RIF1: variants seen among roughly 807,000 people sequenced by gnomAD.
RIF1 encodes the protein replication timing regulatory factor 1.
Under a neutral mutation model 247.1 loss-of-function variants are expected in RIF1, and 45 were observed. The ratio of observed to expected loss-of-function variants is 0.18; its 90% confidence interval spans 0.14 to 0.23. The LOEUF (loss-of-function observed/expected upper bound fraction) is 0.23, where lower values mean the gene tolerates loss of function less well. Ranked by LOEUF, RIF1 falls within the 10% of genes least tolerant of loss-of-function variation. RIF1 has a pLI of 1.00. For synonymous variants in RIF1, 1,087 were observed against 978.8 expected, an observed-to-expected ratio of 1.11 and a Z score of -2.06; for missense variants, 2,967 against 2,862.5, an observed-to-expected ratio of 1.04 and a Z score of -0.83.
chr2:151,463,182 T>C lies in RIF1; in HGVS notation c.3662T>C (p.Phe1221Ser). 1 of 1,614,168 alleles carries C rather than the reference T, an allele frequency of 6.2e-7. No individual in the cohort carries two copies. Among genetic ancestry groups the C allele is most frequent in the East Asian group, 2.2e-5 (1 of 44,878 alleles). ...TACCCTACAAGTCGGAGGCAAACCT[T>C]TATTACTTTGGAGAAGTTTGATGGT... The part of the protein sequence containing the change: ...PPYPTSRRQT[F>S]ITLEKFDGSE... The change falls in exon 30 of 36, where the codon TTT becomes TCT. Residue 1221 changes from phenylalanine to serine, a missense_variant. Physicochemically the swap from Phe to Ser is radical, Grantham distance 155. Transcript: ENST00000444746.
intron 8 of RIF1, among the ~76,000 whole-genome samples, chr2:151,425,660 CTTT>C (rs34032157): frequency 4.8e-5 from 4 of 83,682 alleles, no homozygotes; most frequent in Non-Finnish European, 6.2e-5. Flanking sequence ...TTGTGGTACC[CTTT>C]TTTTTTTTTT....
At chr2:151,429,481 A>G (rs541917407) in intron 9 of RIF1, among the ~76,000 whole-genome samples, 6 of 152,114 alleles carry the variant, frequency 3.9e-5, no homozygotes, top group Non-Finnish European at 5.9e-5. Context: ...CCCCCAGCCT[A>G]TTATTTGTGG....
At chr2:151,518,625 A>G in the RIF1 span, among the ~76,000 whole-genome samples, 1 of 152,240 alleles carries the variant, frequency 6.6e-6, no homozygotes, top group Non-Finnish European at 1.5e-5. Flanking sequence ...CACTTAGGTT[A>G]TGTGGCTTGT....
chr2:151,441,143 C>A (rs1459741941), intron 15 of RIF1, among the ~76,000 whole-genome samples: 1 of 152,048 alleles, frequency 6.6e-6, no homozygotes, highest in Non-Finnish European at 1.5e-5. Flanking sequence ...ATCACTTGAG[C>A]CCATGAGGTT....
In RIF1 at chr2:151,478,052, G is replaced by A. The variant is rs936924182; in HGVS notation, c.*2981G>A. On this transcript the variant is annotated 3_prime_UTR_variant, in exon 36 of 36. Transcript: ENST00000444746. ...GAAATCTATTTTGGATTTTAGAGTG[G>A]ATTTAAATTTTCAATATTTCAGTGA... 6.6e-6 allele frequency: 1 copy of A among 152,164 alleles called. No individual in the cohort carries two copies. Among genetic ancestry groups the A allele is most frequent in the African/African-American group, 2.4e-5 (1 of 41,434 alleles). The allele number at this position is 152,164 out of a possible 1,614,324, so 9.4% of individuals were successfully genotyped here. A position where few individuals can be genotyped will look rare whatever the true frequency, so the allele number is the denominator to read the frequency against.
chr2:151,505,558 C>G, intron 12 of RIF1: 1 of 1,613,266 alleles, frequency 6.2e-7, no homozygotes. Context: ...CCTATTGCTT[C>G]CTTATACTTC....
At chr2:151,506,859 G>T in intron 13 of RIF1, 1 of 1,171,636 alleles carries the variant, frequency 8.5e-7, no homozygotes. Flanking sequence ...TTAAAGAGGA[G>T]AGTGAAATGA....
At chr2:151,450,818 A>G (rs1304721552) in intron 20 of RIF1, among the ~76,000 whole-genome samples, 2 of 152,160 alleles carry the variant, frequency 1.3e-5, no homozygotes, top group African/African-American at 4.8e-5. Context: ...TCCAGACCTC[A>G]GGTGATCCAC....
intron 34 of RIF1, among the ~76,000 whole-genome samples, chr2:151,473,563 A>T (rs1348044214): frequency 6.6e-6 from 1 of 152,118 alleles, no homozygotes; most frequent in Non-Finnish European, 1.5e-5. Context: ...TACAGGGGTG[A>T]GCCACTGCTC....
At chr2:151,530,889 T>G in the RIF1 span, 1 of 707,238 alleles carries the variant, frequency 1.4e-6, no homozygotes, top group African/African-American at 1.8e-5. Flanking sequence ...CCACTAAGTT[T>G]TAGGGTGGTT....
At chr2:151,462,153 G>A (rs909174199) in intron 27 of RIF1, 89 bp from the exon 28 acceptor site, 45 of 853,802 alleles carry the variant, frequency 5.3e-5, no homozygotes, top group South Asian at 9.7e-5. Flanking sequence ...GATTACAGGC[G>A]TGAGCCACCG....
chr2:151,487,331 C>T (rs558895238), intron 9 of RIF1, among the ~76,000 whole-genome samples: 55 of 152,358 alleles, frequency 3.6e-4, no homozygotes, highest in African/African-American at 1.3e-3. Flanking sequence ...GGAGCAGCCA[C>T]TGGTTAGTAG....
chr2:151,485,667 G>A, downstream of RIF1: 1 of 1,242,360 alleles, frequency 8.0e-7, no homozygotes, highest in East Asian at 2.4e-5. Context: ...ACCATAGGCA[G>A]CTTGAGAACT....
chr2:151,499,438 A>G, exon 11 of RIF1: 1 of 1,037,398 alleles, frequency 9.6e-7, no homozygotes, highest in South Asian at 1.4e-5. Flanking sequence ...CAGTCAAAAC[A>G]GCCCTTTCAT....
chr2:151,442,896 C>G (rs1054021516), intron 16 of RIF1, among the ~76,000 whole-genome samples: 5 of 151,102 alleles, frequency 3.3e-5, no homozygotes, highest in Non-Finnish European at 7.4e-5. Context: ...CTCAGTCTCC[C>G]GAGTAGCTGG....
chr2:151,440,804 A>G (rs1025856302), intron 15 of RIF1, among the ~76,000 whole-genome samples: 5 of 152,192 alleles, frequency 3.3e-5, no homozygotes, highest in African/African-American at 9.6e-5. Flanking sequence ...GCCTAACCCC[A>G]TATGTAAAGA....
At chr2:151,531,775 G>C in the RIF1 span, 1 of 1,574,484 alleles carries the variant, frequency 6.4e-7, no homozygotes, top group African/African-American at 1.3e-5. Flanking sequence ...AAGGTATTCA[G>C]TGTTTCTTGC....
intron 35 of RIF1, 21 bp from the exon 36 acceptor site, chr2:151,474,833 TGTG>T (rs1324520865): frequency 3.0e-6 from 4 of 1,315,766 alleles, no homozygotes; most frequent in Non-Finnish European, 1.1e-6. Context: ...TAGATTTAAT[TGTG>T]GTTTTTTTTT....
chr2:151,444,008 G>C (rs1692804958), intron 18 of RIF1, among the ~76,000 whole-genome samples: 2 of 152,132 alleles, frequency 1.3e-5, no homozygotes. Flanking sequence ...TATTAACAGG[G>C]AATAACAGCG....
Sources: gnomAD v4.1 joint callset for allele counts (sites outside exome capture counted in the v4.1 genomes callset) on GRCh38, gnomAD v4.1.1 for gene constraint, MANE v1.5 for transcripts, NCBI Gene and HGNC (gene_info 2026-07-23, HGNC 2026-07-21) for gene names.